Variants in PXDNL observed in about 807,000 individuals in gnomAD.
PXDNL encodes the protein peroxidasin like.
PXDNL carries 145 observed loss-of-function variants against 150.8 expected under a neutral mutation model. The observed-to-expected ratio is 0.96, with a 90% CI of 0.84 to 1.10. The LOEUF (loss-of-function observed/expected upper bound fraction) is 1.10, where lower values mean the gene tolerates loss of function less well. PXDNL is among the 50% of genes least tolerant of loss of function. The pLI, the probability that PXDNL is intolerant of heterozygous loss-of-function variation, is 0.00. For synonymous variants in PXDNL, 757 were observed against 725.7 expected, an observed-to-expected ratio of 1.04 and a Z score of -0.69; for missense variants, 2,087 against 1,873.9, an observed-to-expected ratio of 1.11 and a Z score of -2.10.
intron 4 of PXDNL, among the ~76,000 whole-genome samples, chr8:51,506,049 A>T (rs538015833): frequency 6.6e-6 from 1 of 152,360 alleles, no homozygotes; most frequent in South Asian, 2.1e-4. Flanking sequence ...AAATTGACTG[A>T]ATTATCATAA....
At chr8:51,610,589 T>C (rs987026142) in intron 2 of PXDNL, among the ~76,000 whole-genome samples, 2 of 152,204 alleles carry the variant, frequency 1.3e-5, no homozygotes, top group African/African-American at 4.8e-5. Context: ...TCAATTGCTG[T>C]AAACAATACT....
intron 5 of PXDNL, among the ~76,000 whole-genome samples, chr8:51,494,445 T>G (rs956971890): frequency 1.3e-5 from 2 of 152,020 alleles, no homozygotes; most frequent in Non-Finnish European, 2.9e-5. Flanking sequence ...ACCTTAAATG[T>G]AAATGGGCTA....
chr8:51,606,620 G>A (rs1813841596), intron 2 of PXDNL, among the ~76,000 whole-genome samples: 1 of 152,028 alleles, frequency 6.6e-6, no homozygotes, highest in South Asian at 2.1e-4. Context: ...AGCCACAAAT[G>A]CAAGTCACAT....
intron 8 of PXDNL, among the ~76,000 whole-genome samples, chr8:51,466,369 C>CTATA (rs1182703666): frequency 5.9e-5 from 9 of 152,064 alleles, no homozygotes; most frequent in African/African-American, 1.9e-4. Context: ...AACGAGACCC[C>CTATA]TATATATCAC....
Position 51,445,427 on chromosome 8 carries a change from T to C in PXDNL, c.1525+1577A>G, listed in dbSNP as rs146814520. Among the ~76,000 whole-genome samples the C allele has an allele frequency of 5.2e-3, 787 of 152,326 alleles. 11 individuals are homozygous for C. The highest frequency in any genetic ancestry group is 0.025 in the South Asian group (123 of 4,828). The stretch of plus-strand genomic sequence containing the variant: ...AAACACTTGTTTGCTTCCATATTCA[T>C]GCCAATTGCTAGTGGTATTTTCTCA... On this transcript the variant is annotated intron_variant, in intron 12 of 22. Transcript: ENST00000356297.
chr8:51,621,669 G>T lies in PXDNL; in HGVS notation c.237-28971C>A, dbSNP rs552731818. Among the ~76,000 whole-genome samples, 3 of 152,238 alleles carry T rather than the reference G, an allele frequency of 2.0e-5. No homozygotes were observed. The East Asian group carries it at 5.8e-4, about 29-fold the overall frequency. ...AAAGTAATTTTGCAGGCCGAGTGTG[G>T]TGGCTCACACCTGTAATCCCCACAC... On this transcript the variant is annotated intron_variant, in intron 2 of 22. Transcript: ENST00000356297.
chr8:51,350,607 G>A (rs1312924146), intron 19 of PXDNL, among the ~76,000 whole-genome samples: 3 of 151,850 alleles, frequency 2.0e-5, no homozygotes, highest in Non-Finnish European at 2.9e-5. Flanking sequence ...CGCCCACCTC[G>A]GCCTCCCAAA....
chr8:51,565,326 ATAG>A (rs1563466612), intron 3 of PXDNL, among the ~76,000 whole-genome samples: 1,101 of 105,588 alleles, frequency 0.01, 5 homozygotes, highest in Middle Eastern at 0.022. Context: ...AAATAAATAG[ATAG>A]ATAGATAGAT....
intron 1 of PXDNL, among the ~76,000 whole-genome samples, chr8:51,763,052 A>G (rs542965414): frequency 1.5e-4 from 23 of 152,246 alleles, no homozygotes; most frequent in African/African-American, 4.3e-4. Context: ...AATATTTCCA[A>G]CACCCCATAA....
chr8:51,325,149 C>T (rs1489474290), intron 21 of PXDNL, among the ~76,000 whole-genome samples: 1 of 152,212 alleles, frequency 6.6e-6, no homozygotes, highest in African/African-American at 2.4e-5. Context: ...CAGGTGTGAG[C>T]CACTGCACCC....
intron 1 of PXDNL, among the ~76,000 whole-genome samples, chr8:51,753,120 A>T (rs2037064222): frequency 6.6e-6 from 1 of 152,262 alleles, no homozygotes; most frequent in African/African-American, 2.4e-5. Flanking sequence ...GCACAGATTT[A>T]TCCTACAAAT....
intron 1 of PXDNL, among the ~76,000 whole-genome samples, chr8:51,703,930 T>C (rs1346189637): frequency 1.3e-5 from 2 of 152,220 alleles, no homozygotes; most frequent in Non-Finnish European, 2.9e-5. Flanking sequence ...AGTATTTTTA[T>C]TTTATCTGTG....
At chr8:51,789,840 G>A (rs1563322015) in intron 1 of PXDNL, among the ~76,000 whole-genome samples, 1 of 152,066 alleles carries the variant, frequency 6.6e-6, no homozygotes, top group South Asian at 2.1e-4. Context: ...GGAAATTAAA[G>A]GGAACTTGTG....
At chr8:51,687,718 TAA>T (rs1426497481) in intron 1 of PXDNL, among the ~76,000 whole-genome samples, 2 of 152,172 alleles carry the variant, frequency 1.3e-5, no homozygotes, top group Non-Finnish European at 2.9e-5. Context: ...TGATAATTTT[TAA>T]AAATAGTTAT....
At chr8:51,663,214 C>T (rs886491073) in intron 1 of PXDNL, among the ~76,000 whole-genome samples, 6 of 152,316 alleles carry the variant, frequency 3.9e-5, no homozygotes, top group Non-Finnish European at 4.4e-5. Context: ...CAGGCACTGC[C>T]TCCATTGCCC....
At chr8:51,494,996 C>A (rs1362358037) in intron 5 of PXDNL, among the ~76,000 whole-genome samples, 2 of 152,130 alleles carry the variant, frequency 1.3e-5, no homozygotes, top group African/African-American at 2.4e-5. Context: ...AGCACCACAC[C>A]ACACCTATTC....
chr8:51,576,832 G>T (rs572601312), intron 3 of PXDNL, among the ~76,000 whole-genome samples: 1 of 151,644 alleles, frequency 6.6e-6, no homozygotes, highest in Non-Finnish European at 1.5e-5. Flanking sequence ...TACAAATCCT[G>T]CAGACATTAA....
intron 17 of PXDNL, among the ~76,000 whole-genome samples, chr8:51,403,450 T>C (rs1296452210): frequency 1.3e-5 from 2 of 152,002 alleles, no homozygotes; most frequent in Non-Finnish European, 2.9e-5. Context: ...CAGTGTTCCA[T>C]GTACAATTCC....
At chr8:51,608,061 G>GAAAGA in intron 2 of PXDNL, among the ~76,000 whole-genome samples, 1 of 116,306 alleles carries the variant, frequency 8.6e-6, no homozygotes, top group South Asian at 2.7e-4. Context: ...AAGAAAGCAA[G>GAAAGA]CAAGCAAGCA....
Sources: allele counts gnomAD v4.1 joint callset (sites outside exome capture counted in the v4.1 genomes callset), GRCh38; gene constraint gnomAD v4.1.1; transcripts MANE v1.5; gene names NCBI Gene and HGNC (gene_info 2026-07-23, HGNC 2026-07-21).